PTPRM: variants seen among roughly 807,000 people sequenced by gnomAD.
PTPRM encodes protein tyrosine phosphatase receptor type M, also known as receptor-type tyrosine-protein phosphatase mu.
In PTPRM, 47 loss-of-function variants were observed where a neutral mutation model predicts 186.7. The ratio of observed to expected loss-of-function variants is 0.25; its 90% CI spans 0.20 to 0.32. The LOEUF (loss-of-function observed/expected upper bound fraction) is 0.32, where lower values mean the gene tolerates loss of function less well. Among genes scored for constraint, PTPRM ranks in the 10% least tolerant of loss-of-function variants. The pLI is 1.00. For synonymous variants in PTPRM, 668 were observed against 674.9 expected (o/e 0.99, Z 0.16); for missense variants, 1,494 against 1,865.0 (o/e 0.80, Z 3.66).
intron 1 of PTPRM, among the ~76,000 whole-genome samples, chr18:7,756,268 T>C (rs547671244): frequency 6.6e-6 from 1 of 152,288 alleles, no homozygotes; most frequent in South Asian, 2.1e-4. Flanking sequence ...AAACAAGCAG[T>C]TAATTCTGTG....
intron 1 of PTPRM, among the ~76,000 whole-genome samples, chr18:7,620,190 C>G (rs1718094016): frequency 6.6e-6 from 1 of 152,188 alleles, no homozygotes; most frequent in Admixed American, 6.5e-5. Context: ...GGCAGAGAAA[C>G]CGCTGGCTGC....
In PTPRM at chr18:8,376,207, A is replaced by T; in HGVS notation, c.3326+7A>T. Reference sequence around the variant, plus strand: ...CACTGGTGGTGCACTGCAGGTAAGCAGAGCTCCAGAGCCTCTTGAAGGAAA... The same window carrying T: ...CACTGGTGGTGCACTGCAGGTAAGCTGAGCTCCAGAGCCTCTTGAAGGAAA... On this transcript the variant is annotated splice_region_variant and intron_variant, in intron 25 of 32. Transcript: ENST00000580170. The T allele has an allele frequency of 6.2e-7, 1 of 1,607,566 alleles. No homozygotes were observed. The highest frequency in any genetic ancestry group is 8.5e-7 in the Non-Finnish European group (1 of 1,176,386).
At chr18:7,975,550 A>G (rs1599813615) in intron 7 of PTPRM, among the ~76,000 whole-genome samples, 1 of 152,258 alleles carries the variant, frequency 6.6e-6, no homozygotes, top group African/African-American at 2.4e-5. Flanking sequence ...TCCACATAAC[A>G]GTCTTTCAGT....
At chr18:7,936,848 C>G (rs143764623) in intron 5 of PTPRM, among the ~76,000 whole-genome samples, 2 of 152,178 alleles carry the variant, frequency 1.3e-5, no homozygotes, top group African/African-American at 2.4e-5. Context: ...CAGACTCGAG[C>G]ACTCAGGCCG....
chr18:8,191,255 G>A (rs552920379), intron 14 of PTPRM, among the ~76,000 whole-genome samples: 45 of 152,252 alleles, frequency 3.0e-4, no homozygotes, highest in African/African-American at 9.9e-4. Context: ...CTTAATATGG[G>A]CCATATCATT....
chr18:8,381,633 T>C (rs1460336484), intron 29 of PTPRM, among the ~76,000 whole-genome samples: 1 of 152,180 alleles, frequency 6.6e-6, no homozygotes, highest in African/African-American at 2.4e-5. Context: ...TTAAAACTCT[T>C]CCCCACTGAT....
At chr18:7,862,724 G>T (rs1324995549) in intron 2 of PTPRM, among the ~76,000 whole-genome samples, 1 of 152,208 alleles carries the variant, frequency 6.6e-6, no homozygotes, top group African/African-American at 2.4e-5. Context: ...AAATGCAGTT[G>T]CTCAATAAAT....
chr18:8,369,745 C>T (rs1386247489), intron 23 of PTPRM, among the ~76,000 whole-genome samples: 2 of 152,116 alleles, frequency 1.3e-5, no homozygotes, highest in Non-Finnish European at 2.9e-5. Flanking sequence ...CGCTTGAGGC[C>T]AGGAGTTCAA....
At chr18:8,083,281 T>G (rs566437549) in intron 9 of PTPRM, among the ~76,000 whole-genome samples, 1 of 152,192 alleles carries the variant, frequency 6.6e-6, no homozygotes, top group African/African-American at 2.4e-5. Context: ...ACTTTTTATC[T>G]TGGGGTGCAA....
At chr18:7,858,956 G>C (rs939110803) in intron 2 of PTPRM, among the ~76,000 whole-genome samples, 4 of 152,164 alleles carry the variant, frequency 2.6e-5, no homozygotes, top group African/African-American at 9.7e-5. Flanking sequence ...AATTATATGA[G>C]TGTCTAAAAA....
chr18:7,876,203 A>T (rs1417861363), intron 2 of PTPRM, among the ~76,000 whole-genome samples: 1 of 152,050 alleles, frequency 6.6e-6, no homozygotes, highest in Non-Finnish European at 1.5e-5. Flanking sequence ...GATTTAAAAA[A>T]ATTGGTTTAG....
Position 7,581,285 on chromosome 18 carries a change from C to T in PTPRM, c.73+13394C>T, listed in dbSNP as rs1174694654. ...TTTCTAAGGAGTTACAGGCTAAATC[C>T]CTCTGGCTCCAAGCCTAGTGGAAAG... On this transcript the variant is annotated intron_variant, in intron 1 of 32. Coordinates refer to ENST00000580170, the MANE Select transcript of PTPRM (RefSeq NM_001105244.2). Among the ~76,000 whole-genome samples the T allele has an allele frequency of 2.6e-5, 4 of 152,218 alleles. No individual in the cohort carries two copies. In the East Asian group the frequency reaches 7.8e-4, roughly 29 times the overall value.
intron 7 of PTPRM, among the ~76,000 whole-genome samples, chr18:7,957,767 T>A (rs2053410439): frequency 6.6e-6 from 1 of 152,164 alleles, no homozygotes; most frequent in East Asian, 1.9e-4. Flanking sequence ...AATCACTGAT[T>A]ATGATCAGTG....
At chr18:8,186,018 A>G (rs1309499271) in intron 14 of PTPRM, among the ~76,000 whole-genome samples, 1 of 152,200 alleles carries the variant, frequency 6.6e-6, no homozygotes, top group Non-Finnish European at 1.5e-5. Context: ...ATAGGAAAGA[A>G]ATATTATGCA....
At chr18:7,785,543 G>C (rs2043059677) in intron 2 of PTPRM, among the ~76,000 whole-genome samples, 1 of 152,152 alleles carries the variant, frequency 6.6e-6, no homozygotes, top group Non-Finnish European at 1.5e-5. Context: ...CTGTACTTTT[G>C]AAGCTAAGCA....
intron 4 of PTPRM, 75 bp downstream of exon 4, chr18:7,906,658 T>A: frequency 8.4e-7 from 1 of 1,185,460 alleles, no homozygotes; most frequent in Non-Finnish European, 1.3e-6. Context: ...AGAGAAGGGA[T>A]GAAAACCTGT....
intron 13 of PTPRM, among the ~76,000 whole-genome samples, chr18:8,118,923 G>A (rs147823937): frequency 6.7e-6 from 1 of 150,328 alleles, no homozygotes; most frequent in Admixed American, 6.6e-5. Flanking sequence ...CTTCTTCCAG[G>A]GTGGCCCAGG....
chr18:8,105,473 GATAATA>G (rs915588856), intron 11 of PTPRM, among the ~76,000 whole-genome samples: 19 of 152,158 alleles, frequency 1.2e-4, no homozygotes, highest in African/African-American at 4.6e-4. Flanking sequence ...GGCAGAGGAA[GATAATA>G]ATAATAGAGT....
intron 3 of PTPRM, among the ~76,000 whole-genome samples, chr18:7,892,607 T>G (rs1043821217): frequency 6.6e-6 from 1 of 152,256 alleles, no homozygotes; most frequent in African/African-American, 2.4e-5. Context: ...AAGTTTTTTC[T>G]CATAGCTTTT....
Sources: gnomAD v4.1 joint callset for allele counts (sites outside exome capture counted in the v4.1 genomes callset) on GRCh38, gnomAD v4.1.1 for gene constraint, MANE v1.5 for transcripts, NCBI Gene and HGNC (gene_info 2026-07-23, HGNC 2026-07-21) for gene names.